Variants in TBC1D22A observed in about 807,000 individuals in gnomAD.
TBC1D22A encodes TBC1 domain family member 22A.
TBC1D22A carries 38 observed loss-of-function variants against 60.2 expected under a neutral mutation model. The observed-to-expected ratio is 0.63, with a 90% CI of 0.49 to 0.83. The LOEUF is 0.83. Among genes scored for constraint, TBC1D22A ranks in the 40% least tolerant of loss-of-function variants. The probability of loss-of-function intolerance (pLI) is 0.00; values close to 1 mark genes in which losing one functional copy is unlikely to be tolerated. For missense variants in TBC1D22A, 628 were observed against 701.0 expected, an observed-to-expected ratio of 0.90 and a Z score of 1.18; for synonymous variants, 302 against 281.7, an observed-to-expected ratio of 1.07 and a Z score of -0.72.
intron 10 of TBC1D22A, among the ~76,000 whole-genome samples, chr22:47,035,985 G>C (rs909368936): frequency 2.6e-5 from 4 of 152,156 alleles, no homozygotes; most frequent in African/African-American, 9.7e-5. Flanking sequence ...GCTTTTCTCT[G>C]GTATTTGTTT....
chr22:46,894,977 T>A, intron 7 of TBC1D22A, 131 bp downstream of exon 7: 1 of 887,976 alleles, frequency 1.1e-6, no homozygotes, highest in Non-Finnish European at 1.9e-6. Flanking sequence ...TGCCGGTGCA[T>A]CTAGCCCTTG....
rs1410262633 is a variant in TBC1D22A, at chr22:46,835,328, G to A, written c.637+37708G>A. Among the ~76,000 whole-genome samples the A allele has an allele frequency of 2.0e-5, 3 of 152,132 alleles. No homozygotes were observed. The East Asian group carries it at 5.8e-4, about 29-fold the overall frequency. ...CTGACAAAGAATTTAAGACAATTGAGAAAACAGACAACTCAACAAAATCAG... is the reference window on the plus strand; with the variant it reads ...CTGACAAAGAATTTAAGACAATTGAAAAAACAGACAACTCAACAAAATCAG... On this transcript the variant is annotated intron_variant, in intron 4 of 12. Coordinates refer to ENST00000337137, the MANE Select transcript of TBC1D22A (RefSeq NM_014346.5).
intron 8 of TBC1D22A, among the ~76,000 whole-genome samples, chr22:46,958,218 T>G (rs565819664): frequency 3.9e-5 from 6 of 152,322 alleles, no homozygotes; most frequent in African/African-American, 1.4e-4. Flanking sequence ...CCTGGGAGTT[T>G]CGTAGAACCA....
intron 12 of TBC1D22A, among the ~76,000 whole-genome samples, chr22:47,157,233 G>A (rs1050551997): frequency 2.0e-5 from 3 of 152,196 alleles, no homozygotes; most frequent in East Asian, 1.9e-4. Context: ...GCTGTAGTCC[G>A]CGGCTCCTCC....
intron 6 of TBC1D22A, among the ~76,000 whole-genome samples, chr22:46,894,129 G>A (rs1014702142): frequency 1.4e-4 from 22 of 152,210 alleles, no homozygotes; most frequent in African/African-American, 5.3e-4. Flanking sequence ...GGGAGCGTGG[G>A]CTAGTGTGAG....
At chr22:47,058,869 C>CT (rs2063482262) in intron 11 of TBC1D22A, among the ~76,000 whole-genome samples, 1 of 152,178 alleles carries the variant, frequency 6.6e-6, no homozygotes, top group South Asian at 2.1e-4. Flanking sequence ...ATGGGGCCCG[C>CT]TGGACCCAGG....
chr22:47,140,110 T>C (rs1347302189), intron 12 of TBC1D22A, among the ~76,000 whole-genome samples: 7 of 152,314 alleles, frequency 4.6e-5, no homozygotes, highest in Non-Finnish European at 8.8e-5. Flanking sequence ...TTTCTCCTCA[T>C]TGGGAGCCAC....
Position 47,173,503 on chromosome 22 carries a change from G to T in TBC1D22A, c.1431G>T (p.Leu477=). The T allele has an allele frequency of 6.2e-7, 1 of 1,613,938 alleles. No individual in the cohort carries two copies. The highest frequency in any genetic ancestry group is 8.5e-7 in the Non-Finnish European group (1 of 1,179,928). The change falls in exon 13 of 13, where the codon CTG becomes CTT. Residue 477 remains leucine (L), a synonymous_variant. Coordinates refer to ENST00000337137, the MANE Select transcript of TBC1D22A (RefSeq NM_014346.5). ...GCTTGTCTCTTTCTCCCCAGGAGCT[G>T]CTGCTCTTCCTCCAGAACCTGCCCA... ...EILEEKDFQE[L]LLFLQNLPTA...
chr22:46,824,111 G>C (rs1169595483), intron 4 of TBC1D22A, among the ~76,000 whole-genome samples: 1 of 152,112 alleles, frequency 6.6e-6, no homozygotes, highest in East Asian at 1.9e-4. Flanking sequence ...GTATATAATA[G>C]ATATAAAAAC....
chr22:46,776,425 G>A (rs1305962019), intron 1 of TBC1D22A, among the ~76,000 whole-genome samples: 3 of 152,132 alleles, frequency 2.0e-5, no homozygotes, highest in African/African-American at 7.2e-5. Flanking sequence ...GATGGAAGGA[G>A]TGGGCACAGC....
chr22:47,073,302 A>C (rs1376357013), intron 11 of TBC1D22A, among the ~76,000 whole-genome samples: 1 of 152,218 alleles, frequency 6.6e-6, no homozygotes, highest in East Asian at 1.9e-4. Flanking sequence ...CAGATACTGA[A>C]GCACAGAGTC....
At position 46,793,585 on chromosome 22, in the gene TBC1D22A, C is replaced by G; in HGVS notation, c.204C>G (p.Thr68=). ...VSTFQEFESN[T]SDAWDAGEDD... ...CCTTCCAGGAGTTTGAGAGCAATAC[C>G]AGCGATGCCTGGGACGCTGGGGAGG... The change falls in exon 3 of 13, where the codon ACC becomes ACG. Residue 68 remains threonine (T), a synonymous_variant. Transcript: ENST00000337137. 1.9e-6 allele frequency: 3 copies of G among 1,614,058 alleles called. No homozygotes were observed. Among genetic ancestry groups the G allele is most frequent in the Non-Finnish European group, 2.5e-6 (3 of 1,180,038 alleles).
At chr22:46,802,534 G>T (rs1019850661) in intron 4 of TBC1D22A, among the ~76,000 whole-genome samples, 11 of 152,346 alleles carry the variant, frequency 7.2e-5, no homozygotes, top group Non-Finnish European at 1.3e-4. Context: ...TGAGTGGGGT[G>T]TGGGGAGAGG....
intron 12 of TBC1D22A, among the ~76,000 whole-genome samples, chr22:47,159,800 A>G (rs917089551): frequency 6.6e-6 from 1 of 151,444 alleles, no homozygotes; most frequent in Non-Finnish European, 1.5e-5. Context: ...CACATGCACC[A>G]CATACACCCA....
At chr22:47,083,111 C>T (rs775098536) in intron 11 of TBC1D22A, among the ~76,000 whole-genome samples, 7 of 152,116 alleles carry the variant, frequency 4.6e-5, no homozygotes, top group South Asian at 2.1e-4. Context: ...CTAGAACTGA[C>T]GAAAACTAAT....
intron 1 of TBC1D22A, among the ~76,000 whole-genome samples, chr22:46,763,590 C>T (rs1394496738): frequency 1.3e-5 from 2 of 151,734 alleles, no homozygotes; most frequent in Non-Finnish European, 2.9e-5. Context: ...GAAAACAGAT[C>T]AGAGATAAGC....
At chr22:46,928,946 T>C (rs2071197593) in intron 8 of TBC1D22A, among the ~76,000 whole-genome samples, 1 of 151,908 alleles carries the variant, frequency 6.6e-6, no homozygotes, top group Non-Finnish European at 1.5e-5. Flanking sequence ...GTGGAGAAAT[T>C]AGAATGTGGG....
At chr22:46,929,517 A>G (rs2071233436) in intron 8 of TBC1D22A, among the ~76,000 whole-genome samples, 1 of 152,172 alleles carries the variant, frequency 6.6e-6, no homozygotes, top group African/African-American at 2.4e-5. Flanking sequence ...TCATTCATGG[A>G]TAGATGCTTT....
intron 4 of TBC1D22A, among the ~76,000 whole-genome samples, chr22:46,803,865 C>T (rs1010666963): frequency 1.8e-4 from 28 of 152,216 alleles, no homozygotes; most frequent in African/African-American, 5.5e-4. Context: ...CCCAGCCACA[C>T]CCAGATCCTT....
Sources: allele counts gnomAD v4.1 joint callset (sites outside exome capture counted in the v4.1 genomes callset), GRCh38; gene constraint gnomAD v4.1.1; transcripts MANE v1.5; gene names NCBI Gene and HGNC (gene_info 2026-07-23, HGNC 2026-07-21).